The following LATS2 variants were observed in gnomAD, a reference collection of about 807,000 sequenced individuals.
LATS2 encodes the protein serine/threonine-protein kinase LATS2.
Under a neutral mutation model 76.0 loss-of-function variants are expected in LATS2, and 24 were observed. The ratio of observed to expected loss-of-function variants is 0.32; its 90% CI spans 0.23 to 0.44. LATS2 has a LOEUF of 0.44. Ranked by LOEUF, LATS2 falls within the 20% of genes least tolerant of loss-of-function variation. The probability of loss-of-function intolerance (pLI) is 1.00; values close to 1 mark genes in which losing one functional copy is unlikely to be tolerated. For missense variants in LATS2, 1,286 were observed against 1,481.2 expected (o/e 0.87, Z 2.16); for synonymous variants, 692 against 635.4 (o/e 1.09, Z -1.34).
intron 1 of LATS2, among the ~76,000 whole-genome samples, chr13:21,050,978 G>T (rs1041169635): frequency 6.6e-6 from 1 of 152,256 alleles, no homozygotes; most frequent in Admixed American, 6.5e-5. Flanking sequence ...AATGGAAGGC[G>T]TGAACGGGAC....
At position 20,974,689 on chromosome 13, in the gene LATS2, A is replaced by G; in HGVS notation, c.*181T>C. The G allele has an allele frequency of 1.6e-6, 1 of 618,352 alleles. No homozygotes were observed. The allele number at this position is 618,352 out of a possible 1,614,324, so 38.3% of individuals were successfully genotyped here. A position where few individuals can be genotyped will look rare whatever the true frequency, so the allele number is the denominator to read the frequency against. ...GAAAAGCCTATTGAAAGCGATGCTG[A>G]GTCCTGTTTTCAAAAGTGTCCTGTT... On this transcript the variant is annotated 3_prime_UTR_variant, in exon 8 of 8. Coordinates refer to ENST00000382592, the MANE Select transcript of LATS2 (RefSeq NM_014572.3).
intron 4 of LATS2, among the ~76,000 whole-genome samples, chr13:20,984,980 A>G (rs1870076350): frequency 1.3e-5 from 2 of 152,240 alleles, no homozygotes; most frequent in Non-Finnish European, 2.9e-5. Flanking sequence ...AACAGAATAG[A>G]GAACCCAGAA....
chr13:21,044,094 AC>A (rs1225510817), intron 2 of LATS2, among the ~76,000 whole-genome samples: 2 of 152,198 alleles, frequency 1.3e-5, no homozygotes, highest in Non-Finnish European at 2.9e-5. Flanking sequence ...AACACTCTGC[AC>A]CACATTACTC....
chr13:20,974,769 TA>T lies in LATS2; in HGVS notation c.*100del. ...AAGTGAAGTAATCGACGGACTAATT[TA>T]AAACAAAACAGCCCTCGGCTTCCCT... On this transcript the variant is annotated 3_prime_UTR_variant, in exon 8 of 8. Coordinates refer to ENST00000382592, the MANE Select transcript of LATS2 (RefSeq NM_014572.3). 1 of 1,307,282 alleles carries T rather than the reference TA, an allele frequency of 7.6e-7. No homozygotes were observed. Among genetic ancestry groups the T allele is most frequent in the Non-Finnish European group, 1.0e-6 (1 of 955,342 alleles). 81.0% of individuals were successfully genotyped at this position (1,307,282 alleles called of 1,614,324 possible). A position where few individuals can be genotyped will look rare whatever the true frequency, so the allele number is the denominator to read the frequency against.
intron 2 of LATS2, among the ~76,000 whole-genome samples, chr13:21,007,224 C>T (rs185867410): frequency 6.6e-6 from 1 of 151,946 alleles, no homozygotes; most frequent in Admixed American, 6.6e-5. Context: ...CTCAGAATCT[C>T]TGTAACAAGT....
chr13:21,002,865 T>G (rs746934854), intron 2 of LATS2, among the ~76,000 whole-genome samples: 1 of 152,008 alleles, frequency 6.6e-6, no homozygotes, highest in Non-Finnish European at 1.5e-5. Flanking sequence ...ACTTTATTCT[T>G]TAATTTCTTT....
At position 20,988,325 on chromosome 13, in the gene LATS2, G is replaced by A; in HGVS notation, c.1455C>T (p.Asp485=). 1 of 1,481,044 alleles carries A rather than the reference G, an allele frequency of 6.8e-7. No homozygotes were observed. The highest frequency in any genetic ancestry group is 8.9e-7 in the Non-Finnish European group (1 of 1,125,736). 91.7% of individuals were successfully genotyped at this position (1,481,044 alleles called of 1,614,324 possible). The stretch of plus-strand genomic sequence containing the variant: ...GCGCCAGGGCATGCTCCTCCTTGGC[G>A]TCCAAGCCCTCCGCAGCCGGGGCGG... The part of the protein sequence containing the change: ...PAPAPAAEGL[D]AKEEHALALG... Residue 485 remains aspartate, a synonymous_variant, in exon 4 of 8, where the codon GAC becomes GAT. Transcript: ENST00000382592.
intron 2 of LATS2, among the ~76,000 whole-genome samples, chr13:21,023,488 T>G (rs940010556): frequency 1.9e-4 from 29 of 151,528 alleles, no homozygotes; most frequent in African/African-American, 7.1e-4. Flanking sequence ...GCACTTCCCG[T>G]CCTTGGCCTC....
intron 1 of LATS2, among the ~76,000 whole-genome samples, chr13:21,058,139 CA>C (rs1412890331): frequency 2.6e-5 from 4 of 152,210 alleles, no homozygotes; most frequent in African/African-American, 9.6e-5. Flanking sequence ...TTCTGATCAT[CA>C]GAATATTTCG....
intron 1 of LATS2, among the ~76,000 whole-genome samples, chr13:21,054,822 TGA>T (rs2138417805): frequency 6.6e-6 from 1 of 152,254 alleles, no homozygotes; most frequent in South Asian, 2.1e-4. Context: ...ACAAAAAGGT[TGA>T]GAGGATTATT....
chr13:21,027,629 G>C (rs962497808), intron 2 of LATS2, among the ~76,000 whole-genome samples: 1 of 152,068 alleles, frequency 6.6e-6, no homozygotes, highest in Non-Finnish European at 1.5e-5. Context: ...CTTAGCTTTA[G>C]AGACTACCCA....
chr13:20,993,435 C>T (rs561288451), intron 2 of LATS2, among the ~76,000 whole-genome samples: 2 of 152,140 alleles, frequency 1.3e-5, no homozygotes, highest in Middle Eastern at 3.2e-3. Flanking sequence ...AAAACACAGG[C>T]TGTAAACTGT....
At chr13:21,001,149 C>A (rs748873575) in intron 2 of LATS2, among the ~76,000 whole-genome samples, 6 of 152,162 alleles carry the variant, frequency 3.9e-5, no homozygotes, top group Non-Finnish European at 8.8e-5. Flanking sequence ...TTCCTTTTAT[C>A]TGTAAAATTC....
chr13:21,023,668 AAAAAAAAAAAAAAAAC>A (rs1257348970), intron 2 of LATS2, among the ~76,000 whole-genome samples: 801 of 36,870 alleles, frequency 0.022, 112 homozygotes, highest in South Asian at 0.1. Context: ...AAAAAAAAAA[AAAAAAAAAAAAAAAAC>A]AAACCTCGGC....
chr13:21,041,713 T>C (rs1379558744), intron 2 of LATS2, among the ~76,000 whole-genome samples: 1 of 152,066 alleles, frequency 6.6e-6, no homozygotes, highest in East Asian at 1.9e-4. Context: ...CAAACAAAGT[T>C]CTCACATAAG....
chr13:21,032,044 T>C (rs1872545001), intron 2 of LATS2, among the ~76,000 whole-genome samples: 1 of 152,214 alleles, frequency 6.6e-6, no homozygotes, highest in Admixed American at 6.5e-5. Flanking sequence ...CAACATCTGG[T>C]TCCTCCTGGT....
chr13:21,023,681 AAAC>A (rs1381334742), intron 2 of LATS2, among the ~76,000 whole-genome samples: 63 of 3,686 alleles, frequency 0.017, 19 homozygotes, highest in Non-Finnish European at 0.032. Flanking sequence ...AAAAAAAAAA[AAAC>A]AAACCTCGGC....
chr13:21,013,019 T>G (rs1565954217), intron 2 of LATS2, among the ~76,000 whole-genome samples: 1 of 152,206 alleles, frequency 6.6e-6, no homozygotes, highest in African/African-American at 2.4e-5. Context: ...TCTGATGTAA[T>G]ATTTCCTTCA....
chr13:21,004,222 G>A, intron 2 of LATS2, among the ~76,000 whole-genome samples: 1 of 152,172 alleles, frequency 6.6e-6, no homozygotes, highest in East Asian at 1.9e-4. Flanking sequence ...GATCACCTGA[G>A]GTCAGGATTT....
Sources: gnomAD v4.1 joint callset for allele counts (sites outside exome capture counted in the v4.1 genomes callset) on GRCh38, gnomAD v4.1.1 for gene constraint, MANE v1.5 for transcripts, NCBI Gene and HGNC (gene_info 2026-07-23, HGNC 2026-07-21) for gene names.